The following SNHG17 variants were observed in gnomAD, a reference collection of about 807,000 sequenced individuals.
The protein encoded by SNHG17 is small nucleolar RNA host gene 17.
chr20:38,433,958 A>C (rs781685584), intron 2 of SNHG17: 1 of 519,240 alleles, frequency 1.9e-6, no homozygotes, highest in South Asian at 1.4e-5. Context: ...ACTATCAATG[A>C]CCAGGGCACA....
intron 5 of SNHG17, among the ~76,000 whole-genome samples, chr20:38,424,089 G>A (rs2084203849): frequency 6.6e-6 from 1 of 151,274 alleles, no homozygotes; most frequent in Admixed American, 6.6e-5. Flanking sequence ...GAGAATCACT[G>A]AACCCAGGAG....
intron 3 of SNHG17, chr20:38,428,002 T>C (rs2084278516): frequency 6.6e-6 from 1 of 152,098 alleles, no homozygotes; most frequent in South Asian, 2.1e-4. Flanking sequence ...GGAGAATGGG[T>C]TCCATGTGAT....
Position 38,421,017 on chromosome 20 carries a change from A to G in SNHG17, n.816T>C, listed in dbSNP as rs61743070. ...TGGCATCAACTCACCACGGTGAGAA[A>G]TATCAGCAAACCCAGATCCCAGATC... On this transcript the variant is annotated non_coding_transcript_exon_variant, in exon 7 of 9. Coordinates refer to ENST00000654008, the Ensembl canonical transcript of SNHG17. 348 of 152,384 alleles carry G rather than the reference A, an allele frequency of 2.3e-3. 1 individual carries two copies. Among genetic ancestry groups the G allele is most frequent in the Middle Eastern group, 6.8e-3 (2 of 294 alleles). 9.4% of individuals were successfully genotyped at this position (152,384 alleles called of 1,614,324 possible).
chr20:38,429,765 C>T (rs780466275), intron 3 of SNHG17: 4 of 517,278 alleles, frequency 7.7e-6, no homozygotes, highest in Admixed American at 1.9e-5. Flanking sequence ...TACCAATGAC[C>T]AGGGCACGGG....
chr20:38,434,930 G>C, intron 1 of SNHG17: 1 of 1,225,994 alleles, frequency 8.2e-7, no homozygotes, highest in Non-Finnish European at 1.0e-6. Context: ...CGCCATCCAG[G>C]GGCACTAAGC....
intron 3 of SNHG17, among the ~76,000 whole-genome samples, chr20:38,430,096 C>A (rs955846644): frequency 6.7e-6 from 1 of 150,128 alleles, no homozygotes; most frequent in African/African-American, 2.5e-5. Flanking sequence ...GCAGGTGGAT[C>A]ATCTGAGGTC....
At chr20:38,427,421 A>G (rs753262134) in intron 3 of SNHG17, 2 of 518,174 alleles carry the variant, frequency 3.9e-6, no homozygotes, top group Admixed American at 1.9e-5. Context: ...CAGGCAGCCT[A>G]TGATCACTTT....
At chr20:38,432,040 C>T (rs983340699) in intron 2 of SNHG17, 2 of 985,410 alleles carry the variant, frequency 2.0e-6, no homozygotes, top group Non-Finnish European at 2.4e-6. Context: ...GGTGGAGATA[C>T]CTCTCATGGG....
intron 2 of SNHG17, among the ~76,000 whole-genome samples, chr20:38,431,725 G>A (rs2084345287): frequency 6.6e-6 from 1 of 152,182 alleles, no homozygotes; most frequent in Non-Finnish European, 1.5e-5. Flanking sequence ...TTGGGACCAA[G>A]GTACAGGTAG....
intron 5 of SNHG17, among the ~76,000 whole-genome samples, chr20:38,422,847 T>G (rs1183791910): frequency 6.6e-6 from 1 of 152,078 alleles, no homozygotes; most frequent in African/African-American, 2.4e-5. Flanking sequence ...TCCCAGTACT[T>G]TGGGGGGCCG....
At chr20:38,435,179 G>A (rs2084411212) in intron 1 of SNHG17, 5 of 1,232,274 alleles carry the variant, frequency 4.1e-6, no homozygotes, top group Non-Finnish European at 1.0e-6. Context: ...CCGACCATGC[G>A]CCCTGCTGTG....
chr20:38,434,848 G>A, intron 1 of SNHG17: 5 of 985,470 alleles, frequency 5.1e-6, no homozygotes, highest in Non-Finnish European at 6.0e-6. Flanking sequence ...GTAGGCAACA[G>A]TCAAGTGGCT....
At chr20:38,430,953 A>C (rs952770056) in intron 3 of SNHG17, 1 of 152,504 alleles carries the variant, frequency 6.6e-6, no homozygotes, top group African/African-American at 2.4e-5. Flanking sequence ...CGGTGTCCTC[A>C]CTCCCCACTC....
chr20:38,425,314 T>C (rs774244582), intron 5 of SNHG17: 1 of 519,144 alleles, frequency 1.9e-6, no homozygotes, highest in Non-Finnish European at 3.8e-6. Context: ...CAGCCCACGA[T>C]CACTTTCGAA....
At chr20:38,432,224 C>T (rs2084351531) in intron 2 of SNHG17, 5 of 932,500 alleles carry the variant, frequency 5.4e-6, no homozygotes, top group Non-Finnish European at 5.1e-6. Context: ...TCTACGGTCT[C>T]AGCAACACGA....
chr20:38,426,995 T>TACACATACACAC (rs1555851342), intron 3 of SNHG17, among the ~76,000 whole-genome samples: 7 of 125,580 alleles, frequency 5.6e-5, no homozygotes, highest in African/African-American at 1.7e-4. Flanking sequence ...AAGTTACACA[T>TACACATACACAC]ACACACACAC....
At chr20:38,427,115 C>A (rs75943123) in intron 3 of SNHG17, among the ~76,000 whole-genome samples, 4,760 of 139,614 alleles carry the variant, frequency 0.034, 359 homozygotes, top group African/African-American at 0.12. Context: ...ACTGTGCTAT[C>A]CACTGCGACA....
At chr20:38,426,779 G>C (rs886243411) in intron 3 of SNHG17, among the ~76,000 whole-genome samples, 1 of 150,776 alleles carries the variant, frequency 6.6e-6, no homozygotes, top group East Asian at 2.0e-4. Flanking sequence ...TGGCCAGTGA[G>C]TGACACCAAT....
intron 2 of SNHG17, among the ~76,000 whole-genome samples, chr20:38,434,347 C>A (rs931741273): frequency 9.2e-5 from 14 of 152,192 alleles, no homozygotes; most frequent in African/African-American, 3.4e-4. Context: ...AGCATGTGAC[C>A]CCAAGCGCAG....
Sources: allele counts gnomAD v4.1 joint callset (sites outside exome capture counted in the v4.1 genomes callset), GRCh38; gene constraint gnomAD v4.1.1; transcripts MANE v1.5; gene names NCBI Gene and HGNC (gene_info 2026-07-23, HGNC 2026-07-21).